Variants in GRK3 observed in about 807,000 individuals in gnomAD.
GRK3 encodes adrenergic, beta, receptor kinase 2.
In GRK3, 54 loss-of-function variants were observed where a neutral mutation model predicts 95.7. That is an observed-to-expected ratio of 0.56 (90% confidence interval 0.45 to 0.71). GRK3 has a LOEUF of 0.71. Among genes scored for constraint, GRK3 ranks in the 30% least tolerant of loss-of-function variants. The pLI, the probability that GRK3 is intolerant of heterozygous loss-of-function variation, is 0.00. For synonymous variants in GRK3, 281 were observed against 290.8 expected (o/e 0.97, Z 0.34); for missense variants, 649 against 851.2 (o/e 0.76, Z 2.96).
chr22:25,719,804 G>A (rs955020145), intron 19 of GRK3, among the ~76,000 whole-genome samples: 1 of 152,090 alleles, frequency 6.6e-6, no homozygotes, highest in Non-Finnish European at 1.5e-5. Flanking sequence ...CTGTTCTCCA[G>A]AGATCAGAAG....
At chr22:25,708,369 G>T (rs1292425304) in intron 15 of GRK3, among the ~76,000 whole-genome samples, 1 of 152,200 alleles carries the variant, frequency 6.6e-6, no homozygotes, top group Non-Finnish European at 1.5e-5. Context: ...GGCTGGGCCT[G>T]TGCAGGAGCA....
intron 1 of GRK3, among the ~76,000 whole-genome samples, chr22:25,600,039 A>C (rs1375271601): frequency 6.6e-6 from 1 of 152,186 alleles, no homozygotes; most frequent in African/African-American, 2.4e-5. Flanking sequence ...CAGATTCTTT[A>C]AGTACTTCAA....
chr22:25,621,631 T>C (rs1042121034), intron 2 of GRK3, among the ~76,000 whole-genome samples: 2 of 152,240 alleles, frequency 1.3e-5, no homozygotes, highest in Admixed American at 6.5e-5. Context: ...CTTGGCCTGA[T>C]TATTTGCATA....
At chr22:25,635,458 A>G (rs1003819942) in intron 2 of GRK3, among the ~76,000 whole-genome samples, 20 of 152,118 alleles carry the variant, frequency 1.3e-4, no homozygotes, top group Admixed American at 1.0e-3. Flanking sequence ...TATTTCAACA[A>G]TTGTTCCCCA....
In GRK3 at chr22:25,564,989, G is replaced by C; in HGVS notation, c.-52G>C. 1 of 609,182 alleles carries C rather than the reference G, an allele frequency of 1.6e-6. No homozygotes were observed. The highest frequency in any genetic ancestry group is 2.2e-6 in the Non-Finnish European group (1 of 448,434). The allele number at this position is 609,182 out of a possible 1,614,324, so 37.7% of individuals were successfully genotyped here. Reference sequence around the variant, plus strand: ...CGGCGGGCGGCGGCGGCGGGCGCGCGTCCCGTCCAGGTCCGGAGTAACCGC... The same window carrying C: ...CGGCGGGCGGCGGCGGCGGGCGCGCCTCCCGTCCAGGTCCGGAGTAACCGC... On this transcript the variant is annotated 5_prime_UTR_variant, in exon 1 of 21. Transcript: ENST00000324198.
chr22:25,651,339 T>C (rs980434240), intron 3 of GRK3, among the ~76,000 whole-genome samples: 14 of 152,224 alleles, frequency 9.2e-5, no homozygotes, highest in African/African-American at 3.4e-4. Flanking sequence ...TTAACTATCA[T>C]TATTTACCTG....
At chr22:25,667,967 A>C (rs1212073456) in intron 6 of GRK3, among the ~76,000 whole-genome samples, 167 bp downstream of exon 6, 1 of 152,214 alleles carries the variant, frequency 6.6e-6, no homozygotes, top group Non-Finnish European at 1.5e-5. Context: ...AGTACTTTAC[A>C]TTATAATTTT....
chr22:25,622,033 C>T (rs2084589917), intron 2 of GRK3, among the ~76,000 whole-genome samples: 1 of 152,118 alleles, frequency 6.6e-6, no homozygotes, highest in Non-Finnish European at 1.5e-5. Flanking sequence ...GCATCCTTTG[C>T]CTTTTTTTTC....
chr22:25,575,847 G>T (rs1931872188), intron 1 of GRK3, among the ~76,000 whole-genome samples: 1 of 152,194 alleles, frequency 6.6e-6, no homozygotes, highest in African/African-American at 2.4e-5. Flanking sequence ...TTGACTGTGG[G>T]GCAGGGAGTG....
At chr22:25,596,501 A>G (rs1389361910) in intron 1 of GRK3, among the ~76,000 whole-genome samples, 1 of 152,206 alleles carries the variant, frequency 6.6e-6, no homozygotes, top group Non-Finnish European at 1.5e-5. Flanking sequence ...TAAATTAGCA[A>G]TTTCAAAAAA....
At chr22:25,578,914 C>A (rs1232329102) in intron 1 of GRK3, among the ~76,000 whole-genome samples, 1 of 152,014 alleles carries the variant, frequency 6.6e-6, no homozygotes, top group Non-Finnish European at 1.5e-5. Flanking sequence ...GCTGCAATAA[C>A]AAACTAATAA....
chr22:25,596,706 C>T (rs1338877350), intron 1 of GRK3, among the ~76,000 whole-genome samples: 2 of 152,144 alleles, frequency 1.3e-5, no homozygotes, highest in Non-Finnish European at 2.9e-5. Flanking sequence ...TAAACCCTTC[C>T]TCTTCATTCA....
At chr22:25,686,029 G>A (rs2085110640) in intron 10 of GRK3, among the ~76,000 whole-genome samples, 2 of 151,918 alleles carry the variant, frequency 1.3e-5, no homozygotes, top group African/African-American at 4.8e-5. Flanking sequence ...AGACCATCCT[G>A]GCTAACACTG....
At chr22:25,717,821 CTAT>C (rs1747715076) in intron 18 of GRK3, among the ~76,000 whole-genome samples, 2 of 152,200 alleles carry the variant, frequency 1.3e-5, no homozygotes, top group South Asian at 4.2e-4. Context: ...AAAATTCCCA[CTAT>C]TATTATTTTT....
chr22:25,661,735 G>C, intron 4 of GRK3, 58 bp downstream of exon 4: 2 of 1,105,500 alleles, frequency 1.8e-6, no homozygotes, highest in South Asian at 3.0e-5. Context: ...ACCATGTTCA[G>C]CGTTTCCAGA....
At position 25,714,524 on chromosome 22, in the gene GRK3, C is replaced by A; in HGVS notation, c.1608C>A (p.Ile536=). The change falls in exon 18 of 21, where the codon ATC becomes ATA. Residue 536 remains isoleucine (I), a synonymous_variant. Coordinates refer to ENST00000324198, the MANE Select transcript of GRK3 (RefSeq NM_005160.4). ...CAGTAAATGCAGACACAGATAAAAT[C>A]GAGGCCAGGAAGAGAGCTAAAAATA... ...YEAVNADTDK[I]EARKRAKNKQ... 1.2e-6 allele frequency: 2 copies of A among 1,612,716 alleles called. No homozygotes were observed. Among genetic ancestry groups the A allele is most frequent in the Non-Finnish European group, 1.7e-6 (2 of 1,179,546 alleles).
At chr22:25,691,820 C>CG (rs1569197919) in intron 12 of GRK3, among the ~76,000 whole-genome samples, 1 of 152,124 alleles carries the variant, frequency 6.6e-6, no homozygotes, top group Non-Finnish European at 1.5e-5. Flanking sequence ...CAGCTCTGAA[C>CG]GGTGGGCTGT....
At chr22:25,616,337 C>A (rs972829337) in intron 2 of GRK3, among the ~76,000 whole-genome samples, 3 of 151,524 alleles carry the variant, frequency 2.0e-5, no homozygotes, top group African/African-American at 7.3e-5. Context: ...TGGCAGAAGG[C>A]AAAGGGGATG....
At chr22:25,657,340 C>T (rs1399470952) in intron 3 of GRK3, among the ~76,000 whole-genome samples, 1 of 151,938 alleles carries the variant, frequency 6.6e-6, no homozygotes, top group Non-Finnish European at 1.5e-5. Flanking sequence ...TTTATTTTGT[C>T]CATTTTCTCC....
Sources: allele counts gnomAD v4.1 joint callset (sites outside exome capture counted in the v4.1 genomes callset), GRCh38; gene constraint gnomAD v4.1.1; transcripts MANE v1.5; gene names NCBI Gene and HGNC (gene_info 2026-07-23, HGNC 2026-07-21).